The following RBL1 variants were observed in gnomAD, a reference collection of about 807,000 sequenced individuals.
The protein encoded by RBL1 is retinoblastoma-like protein 1.
In RBL1, 82 loss-of-function variants were observed where a neutral mutation model predicts 123.0. The observed-to-expected ratio is 0.67, with a 90% CI of 0.56 to 0.80. The LOEUF is 0.80. RBL1 is among the 30% of genes least tolerant of loss of function. The pLI is 0.00. For missense variants in RBL1, 1,171 were observed against 1,299.6 expected (o/e 0.90, Z 1.52); for synonymous variants, 405 against 441.3 (o/e 0.92, Z 1.03).
At chr20:37,049,372 G>A (rs2064868510) in intron 11 of RBL1, 15 of 712,682 alleles carry the variant, frequency 2.1e-5, no homozygotes, top group South Asian at 2.0e-4. Context: ...CCTCCTGATC[G>A]GCAAAGACTA....
chr20:37,090,769 C>G (rs2065634007), intron 1 of RBL1, among the ~76,000 whole-genome samples: 1 of 152,132 alleles, frequency 6.6e-6, no homozygotes, highest in Non-Finnish European at 1.5e-5. Context: ...GAGCATGTTA[C>G]TATACTAAAT....
chr20:37,032,164 A>G (rs2064524134), intron 16 of RBL1, among the ~76,000 whole-genome samples: 1 of 152,196 alleles, frequency 6.6e-6, no homozygotes, highest in Non-Finnish European at 1.5e-5. Context: ...GGTATTAAAA[A>G]AAAGTATATT....
At chr20:37,003,943 G>T in intron 20 of RBL1, 77 bp from the exon 21 acceptor site, 1 of 1,303,704 alleles carries the variant, frequency 7.7e-7, no homozygotes, top group Middle Eastern at 2.3e-4. Context: ...TATTCTTATG[G>T]TATCTTCTAG....
intron 16 of RBL1, among the ~76,000 whole-genome samples, chr20:37,027,201 A>G (rs1430366572): frequency 1.3e-5 from 2 of 151,006 alleles, no homozygotes; most frequent in Non-Finnish European, 3.0e-5. Flanking sequence ...AAAAAAATTT[A>G]GCTGGGTGGG....
chr20:37,063,223 T>G (rs1331634184), intron 7 of RBL1, among the ~76,000 whole-genome samples: 1 of 152,138 alleles, frequency 6.6e-6, no homozygotes, highest in African/African-American at 2.4e-5. Flanking sequence ...GACTACAGGC[T>G]TGTGCCACCA....
rs554442643 is a variant in RBL1, at chr20:37,067,923, A to C, written c.491+63T>G. On this transcript the variant is annotated intron_variant, in intron 3 of 21. Coordinates refer to ENST00000373664, the MANE Select transcript of RBL1 (RefSeq NM_002895.5). ...TTTCATAAAAAACAGACTTTCAAAA[A>C]AGTATATTCTCTTAGTTTGTATCAT... is the stretch of plus-strand genomic sequence containing the variant. 5 of 1,526,148 alleles carry C rather than the reference A, an allele frequency of 3.3e-6. No homozygotes were observed. The South Asian group carries it at 5.2e-5, about 16-fold the overall frequency. The allele number at this position is 1,526,148 out of a possible 1,614,324, so 94.5% of individuals were successfully genotyped here.
chr20:37,025,306 G>A (rs2064401817), intron 16 of RBL1, among the ~76,000 whole-genome samples: 1 of 152,136 alleles, frequency 6.6e-6, no homozygotes, highest in Non-Finnish European at 1.5e-5. Context: ...GACTGGTTGA[G>A]TCCAGGAGTT....
At chr20:37,026,227 G>A (rs761621862) in intron 16 of RBL1, among the ~76,000 whole-genome samples, 3 of 152,114 alleles carry the variant, frequency 2.0e-5, no homozygotes, top group Non-Finnish European at 4.4e-5. Context: ...TACTGTGAAA[G>A]AAATAGGATT....
chr20:37,015,547 C>T (rs1036961811), intron 19 of RBL1, among the ~76,000 whole-genome samples: 3 of 151,916 alleles, frequency 2.0e-5, no homozygotes, highest in Non-Finnish European at 2.9e-5. Flanking sequence ...TCTCCTACCT[C>T]AGCCTCTGGA....
chr20:37,001,185 G>C (rs1028798436), intron 21 of RBL1, among the ~76,000 whole-genome samples: 4 of 147,318 alleles, frequency 2.7e-5, no homozygotes, highest in African/African-American at 9.9e-5. Context: ...GCCTCTGCCC[G>C]GCCGCCCCTG....
Position 37,095,988 on chromosome 20 carries a change from C to G in RBL1, c.-60G>C. 7.4e-7 allele frequency: 1 copy of G among 1,355,990 alleles called. No individual in the cohort carries two copies. Among genetic ancestry groups the G allele is most frequent in the Non-Finnish European group, 9.8e-7 (1 of 1,022,546 alleles). 84.0% of individuals were successfully genotyped at this position (1,355,990 alleles called of 1,614,324 possible). A position where few individuals can be genotyped will look rare whatever the true frequency, so the allele number is the denominator to read the frequency against. The stretch of plus-strand genomic sequence containing the variant: ...CCGACTTCTTTCTCCCTCCCAGGCG[C>G]GCTACCCACAACCACCTGCGCCAAA... On this transcript the variant is annotated 5_prime_UTR_variant, in exon 1 of 22. Coordinates refer to ENST00000373664, the MANE Select transcript of RBL1 (RefSeq NM_002895.5).
chr20:37,069,656 G>A (rs1025997849), intron 2 of RBL1, among the ~76,000 whole-genome samples: 1 of 151,476 alleles, frequency 6.6e-6, no homozygotes, highest in East Asian at 1.9e-4. Context: ...CGCCCCGTCT[G>A]AGAAGTGAGG....
At chr20:37,044,482 C>T (rs1356697298) in intron 12 of RBL1, among the ~76,000 whole-genome samples, 2 of 152,096 alleles carry the variant, frequency 1.3e-5, no homozygotes, top group African/African-American at 4.8e-5. Context: ...GGATTACAGG[C>T]ACCTGCCACC....
chr20:37,091,088 G>A (rs2065638495), intron 1 of RBL1, among the ~76,000 whole-genome samples: 1 of 152,194 alleles, frequency 6.6e-6, no homozygotes, highest in Admixed American at 6.5e-5. Context: ...CCGGTGCGGT[G>A]GCTCACGTCT....
rs1600422797 is a variant in RBL1, at chr20:36,998,678, G to A, written c.*81C>T. ...ACCCAGTGATATTTATCATCTATAG[G>A]GCTAAAAGGTTTGAAGGACAGAGCT... On this transcript the variant is annotated 3_prime_UTR_variant, in exon 22 of 22. Coordinates refer to ENST00000373664, the MANE Select transcript of RBL1 (RefSeq NM_002895.5). 3 of 1,292,600 alleles carry A rather than the reference G, an allele frequency of 2.3e-6. No individual in the cohort carries two copies. In the East Asian group the frequency reaches 7.2e-5, roughly 31 times the overall value. The allele number at this position is 1,292,600 out of a possible 1,614,324, so 80.1% of individuals were successfully genotyped here.
chr20:37,054,559 G>C (rs2064972427), intron 11 of RBL1, among the ~76,000 whole-genome samples: 1 of 151,664 alleles, frequency 6.6e-6, no homozygotes, highest in African/African-American at 2.4e-5. Flanking sequence ...GCTGGGTGAG[G>C]TGGCTCATGG....
Position 37,044,231 on chromosome 20 carries a change from C to T in RBL1, c.1625G>A (p.Arg542His), listed in dbSNP as rs201629937. Reference protein sequence around the residue: ...YFYKVIEVVIRSEEGLSRDMV... With the variant: ...YFYKVIEVVIHSEEGLSRDMV... ...GTCCCTTGAGAGCCCCTCTTCTGAG[C>T]GGATCACCACCTCAATAACCTGCAG... Residue 542 changes from arginine (R) to histidine (H), a missense_variant, in exon 13 of 22, where the codon CGC becomes CAC. Coordinates refer to ENST00000373664, the MANE Select transcript of RBL1 (RefSeq NM_002895.5). 9 of 1,613,338 alleles carry T rather than the reference C, an allele frequency of 5.6e-6. No homozygotes were observed. The highest frequency in any genetic ancestry group is 1.1e-5 in the South Asian group (1 of 90,996).
At chr20:37,013,586 A>T (rs1054452591) in intron 19 of RBL1, among the ~76,000 whole-genome samples, 17,747 of 83,708 alleles carry the variant, frequency 0.21, 1,033 homozygotes, top group African/African-American at 0.39. Context: ...AATGATCAAT[A>T]AAAAAAAAAA....
At chr20:37,047,558 C>T (rs942286218) in intron 11 of RBL1, among the ~76,000 whole-genome samples, 6 of 152,176 alleles carry the variant, frequency 3.9e-5, no homozygotes, top group Non-Finnish European at 8.8e-5. Context: ...TAATATGTCA[C>T]AGTTTAGACA....
Sources: allele counts gnomAD v4.1 joint callset (sites outside exome capture counted in the v4.1 genomes callset), GRCh38; gene constraint gnomAD v4.1.1; transcripts MANE v1.5; gene names NCBI Gene and HGNC (gene_info 2026-07-23, HGNC 2026-07-21).